Variants in PTPN13 observed in about 807,000 individuals in gnomAD.
PTPN13 encodes the protein tyrosine-protein phosphatase non-receptor type 13.
A neutral mutation model predicts 284.0 loss-of-function variants in PTPN13; 191 were observed. The observed-to-expected ratio is 0.67, with a 90% CI of 0.60 to 0.76. PTPN13 has a LOEUF of 0.76. Ranked by LOEUF, PTPN13 falls within the 30% of genes least tolerant of loss-of-function variation. The pLI is 0.00. For missense variants in PTPN13, 2,797 were observed against 2,939.9 expected, an observed-to-expected ratio of 0.95 and a Z score of 1.12; for synonymous variants, 986 against 1,022.3, an observed-to-expected ratio of 0.96 and a Z score of 0.68.
chr4:86,724,778 T>C (rs555491719), intron 10 of PTPN13, among the ~76,000 whole-genome samples: 1 of 152,214 alleles, frequency 6.6e-6, no homozygotes, highest in East Asian at 1.9e-4. Context: ...AGTTGATCTT[T>C]ATTATATTCT....
chr4:86,715,794 G>GAGACAGGTAGTAGTTAGGAGT (rs1359995594), intron 7 of PTPN13, among the ~76,000 whole-genome samples: 1 of 152,168 alleles, frequency 6.6e-6, no homozygotes, highest in Non-Finnish European at 1.5e-5. Context: ...GGGGATTTAG[G>GAGACAGGTAGTAGTTAGGAGT]AGACAGGTAG....
chr4:86,751,138 A>G lies in PTPN13; in HGVS notation c.3166+14A>G. 1 of 1,522,272 alleles carries G rather than the reference A, an allele frequency of 6.6e-7. No homozygotes were observed. The highest frequency in any genetic ancestry group is 1.1e-5 in the South Asian group (1 of 87,302). 94.3% of individuals were successfully genotyped at this position (1,522,272 alleles called of 1,614,324 possible). On this transcript the variant is annotated intron_variant, in intron 19 of 47. Transcript: ENST00000411767. ...CATATGTTCTAGGTCAGCAAAAACA[A>G]GCTTACCTTCTTTGTCCCATACCTC...
chr4:86,788,372 T>C (rs945166701), intron 40 of PTPN13, among the ~76,000 whole-genome samples: 1 of 152,210 alleles, frequency 6.6e-6, no homozygotes, highest in African/African-American at 2.4e-5. Flanking sequence ...TAATCTTTTG[T>C]AAGTTCTTGA....
At chr4:86,708,607 G>A (rs1434455983) in intron 7 of PTPN13, among the ~76,000 whole-genome samples, 2 of 152,048 alleles carry the variant, frequency 1.3e-5, no homozygotes, top group Non-Finnish European at 2.9e-5. Flanking sequence ...TCTAAGGACG[G>A]ATTGATATGT....
intron 2 of PTPN13, among the ~76,000 whole-genome samples, chr4:86,669,083 A>G (rs540789489): frequency 1.3e-5 from 2 of 151,610 alleles, no homozygotes; most frequent in Admixed American, 6.6e-5. Context: ...AACCTTAGCC[A>G]TGGTCAAGTC....
intron 1 of PTPN13, among the ~76,000 whole-genome samples, chr4:86,613,716 C>G (rs942775477): frequency 6.6e-6 from 1 of 151,798 alleles, no homozygotes; most frequent in Non-Finnish European, 1.5e-5. Flanking sequence ...AAAGGTCAAC[C>G]TTGCGAGCAA....
intron 16 of PTPN13, 42 bp downstream of exon 16, chr4:86,741,858 A>G (rs757022066): frequency 4.0e-6 from 6 of 1,496,696 alleles, no homozygotes; most frequent in African/African-American, 1.4e-5. Flanking sequence ...TTCAAATGAT[A>G]TTACCAACTT....
chr4:86,647,111 C>A (rs1294676977), intron 2 of PTPN13, among the ~76,000 whole-genome samples: 1 of 152,012 alleles, frequency 6.6e-6, no homozygotes, highest in Admixed American at 6.6e-5. Context: ...CATGAGGAAA[C>A]TTTTAGAGGT....
intron 3 of PTPN13, among the ~76,000 whole-genome samples, chr4:86,685,712 T>C (rs1298019815): frequency 6.6e-6 from 1 of 152,184 alleles, no homozygotes; most frequent in African/African-American, 2.4e-5. Context: ...ATGGAAAAGG[T>C]TTGTGAAAAA....
rs139857374 is a variant in PTPN13, at chr4:86,615,524, T to C, written c.-5-19728T>C. Among the ~76,000 whole-genome samples, 511 of 152,236 alleles carry C rather than the reference T, an allele frequency of 3.4e-3. 1 individual carries two copies. The highest frequency in any genetic ancestry group is 0.012 in the African/African-American group (494 of 41,554). On this transcript the variant is annotated intron_variant, in intron 1 of 47. Transcript: ENST00000411767. ...GCAACTTGTTAGAAAATAACATATA[T>C]TAATTTGCGTTCATTATAGCATTTT...
In PTPN13 at chr4:86,745,055, C is replaced by T; in HGVS notation, c.2577C>T (p.His859=). Residue 859 remains histidine, a synonymous_variant, in exon 17 of 48, where the codon CAC becomes CAT. Transcript: ENST00000411767. ...DNSKICQYLL[H]LCSYQHKFQL... ...GTAAGATATGCCAGTACCTGCTGCACCTCTGCTCTTACCAGCATAAGTTCC... is the reference window on the plus strand; with the variant it reads ...GTAAGATATGCCAGTACCTGCTGCATCTCTGCTCTTACCAGCATAAGTTCC... 2 of 1,611,700 alleles carry T rather than the reference C, an allele frequency of 1.2e-6. No homozygotes were observed. The highest frequency in any genetic ancestry group is 1.7e-6 in the Non-Finnish European group (2 of 1,178,954).
intron 5 of PTPN13, among the ~76,000 whole-genome samples, chr4:86,691,053 T>G (rs546710556): frequency 6.6e-6 from 1 of 152,182 alleles, no homozygotes; most frequent in South Asian, 2.1e-4. Context: ...ATACAAATTA[T>G]GACTGCATTG....
At chr4:86,617,134 A>T (rs1038179351) in intron 1 of PTPN13, among the ~76,000 whole-genome samples, 1 of 152,224 alleles carries the variant, frequency 6.6e-6, no homozygotes, top group African/African-American at 2.4e-5. Context: ...CAAGAGAGGA[A>T]GCAAAGCAAC....
At chr4:86,795,335 T>C (rs976249054) in intron 40 of PTPN13, among the ~76,000 whole-genome samples, 1 of 152,074 alleles carries the variant, frequency 6.6e-6, no homozygotes, top group Non-Finnish European at 1.5e-5. Flanking sequence ...AAAACCACAA[T>C]GAGATACCAT....
rs770620580 is a variant in PTPN13, at chr4:86,703,437, GA to G, written c.1195+1648del. Reference sequence around the variant, plus strand: ...TATATAAAGAAATCTTGTCCATTGTGAAAAAAAAAAAACCTTCAATGATTCA... The same window carrying G: ...TATATAAAGAAATCTTGTCCATTGTGAAAAAAAAAAACCTTCAATGATTCA... On this transcript the variant is annotated intron_variant, in intron 7 of 47. Coordinates refer to ENST00000411767, the MANE Select transcript of PTPN13 (RefSeq NM_080683.3). Among the ~76,000 whole-genome samples the G allele has an allele frequency of 2.9e-3, 395 of 136,500 alleles. 1 individual carries two copies. The highest frequency in any genetic ancestry group is 1.8e-3 in the Non-Finnish European group (112 of 62,598). The allele number at this position is 136,500 out of a possible 152,430, so 89.5% of individuals were successfully genotyped here. A position where few individuals can be genotyped will look rare whatever the true frequency, so the allele number is the denominator to read the frequency against.
At chr4:86,626,229 A>G (rs1329808980) in intron 1 of PTPN13, among the ~76,000 whole-genome samples, 3 of 152,140 alleles carry the variant, frequency 2.0e-5, no homozygotes, top group Admixed American at 6.6e-5. Context: ...GACTAGGCAT[A>G]CATGATTTCT....
chr4:86,717,189 A>T (rs1578483610), intron 9 of PTPN13, 72 bp downstream of exon 9: 70 of 740,058 alleles, frequency 9.5e-5, no homozygotes, highest in Admixed American at 4.3e-4. Flanking sequence ...ATTAAATGGA[A>T]TTTTTTTTTT....
Position 86,785,348 on chromosome 4 carries a change from C to G in PTPN13, c.6236C>G (p.Ala2079Gly), listed in dbSNP as rs751979893. 1.2e-6 allele frequency: 2 copies of G among 1,611,664 alleles called. No individual in the cohort carries two copies. Among genetic ancestry groups the G allele is most frequent in the East Asian group, 4.5e-5 (2 of 44,782 alleles). ...AATCTTTTAAACGAAAATAATGCAG[C>G]AGGATACTCCTGTGGTCCAGGTACG... ...AQNLLNENNA[A>G]GYSCGPGTLK... The change falls in exon 39 of 48, where the codon GCA (alanine) becomes GGA (glycine). Residue 2079 changes from alanine (A) to glycine (G), a missense_variant. Ala to Gly is a moderately conservative substitution (Grantham distance 60). Transcript: ENST00000411767.
chr4:86,690,004 A>T, intron 5 of PTPN13: 1 of 338,150 alleles, frequency 3.0e-6, no homozygotes, highest in South Asian at 1.0e-4. Flanking sequence ...TTTAGTTCCC[A>T]TCTTAACCAG....
Sources: allele counts gnomAD v4.1 joint callset (sites outside exome capture counted in the v4.1 genomes callset), GRCh38; gene constraint gnomAD v4.1.1; transcripts MANE v1.5; gene names NCBI Gene and HGNC (gene_info 2026-07-23, HGNC 2026-07-21).